Variants in FHL2 observed in about 807,000 individuals in gnomAD.
FHL2 encodes four and a half LIM domains protein 2.
FHL2 carries 20 observed loss-of-function variants against 32.7 expected under a neutral mutation model. The ratio of observed to expected loss-of-function variants is 0.61; its 90% CI spans 0.43 to 0.89. The LOEUF (loss-of-function observed/expected upper bound fraction) is 0.89. Ranked by LOEUF, FHL2 falls within the 40% of genes least tolerant of loss-of-function variation. The pLI, the probability that FHL2 is intolerant of heterozygous loss-of-function variation, is 0.00. For missense variants in FHL2, 311 were observed against 358.6 expected (o/e 0.87, Z 1.07); for synonymous variants, 123 against 128.1 (o/e 0.96, Z 0.27).
upstream of FHL2, chr2:105,399,217 C>G (rs895972161): frequency 5.9e-6 from 9 of 1,532,012 alleles, no homozygotes; most frequent in Non-Finnish European, 7.0e-6. Flanking sequence ...GGTCCCGGCC[C>G]GTACCCTTTG....
At chr2:105,412,405 G>A (rs1313522728) in intron 1 of FHL2, among the ~76,000 whole-genome samples, 2 of 152,190 alleles carry the variant, frequency 1.3e-5, no homozygotes, top group African/African-American at 4.8e-5. Context: ...AAACAAACTG[G>A]TGGTGGAGGA....
intron 1 of FHL2, among the ~76,000 whole-genome samples, chr2:105,428,898 T>A (rs145277635): frequency 1.2e-4 from 19 of 152,382 alleles, no homozygotes; most frequent in African/African-American, 4.6e-4. Context: ...TGCTAGGCTT[T>A]CATTTTTACT....
upstream of FHL2, among the ~76,000 whole-genome samples, chr2:105,403,092 T>C (rs35342923): frequency 0.72 from 109,353 of 152,208 alleles, 39,549 homozygotes; most frequent in African/African-American, 0.8. Flanking sequence ...GTGGCGAAGG[T>C]CTTTTGAGAT....
upstream of FHL2, chr2:105,399,176 C>T (rs1683361308): frequency 1.4e-6 from 2 of 1,399,500 alleles, no homozygotes; most frequent in South Asian, 1.6e-5. Flanking sequence ...CCAGGCCTCG[C>T]GGTTGCCGTG....
chr2:105,399,106 T>C, upstream of FHL2: 2 of 1,453,428 alleles, frequency 1.4e-6, no homozygotes, highest in Non-Finnish European at 1.8e-6. Flanking sequence ...TTTGACCATA[T>C]AAGGAGATGC....
At position 105,425,455 on chromosome 2, in the gene FHL2, T is replaced by C. The variant is rs7349427; in HGVS notation, c.-25+12944A>G. 6.8e-3 allele frequency among the ~76,000 whole-genome samples: 1,040 copies of C among 152,148 alleles called. 2 individuals are homozygous for C. Among genetic ancestry groups the C allele is most frequent in the Non-Finnish European group, 0.01 (702 of 68,004 alleles). ...CCTTGTGGGATGAGAAAGACCTGAC[T>C]GTCCCCCAGCCCAACACCCGTAAAG... On this transcript the variant is annotated intron_variant, in intron 1 of 5. Transcript: ENST00000393352.
chr2:105,363,415 G>C lies in FHL2; in HGVS notation c.558C>G (p.Phe186Leu). 6.2e-7 allele frequency: 1 copy of C among 1,613,288 alleles called. No individual in the cohort carries two copies. Among genetic ancestry groups the C allele is most frequent in the Non-Finnish European group, 8.5e-7 (1 of 1,179,694 alleles). The change falls in exon 6 of 7, where the codon TTC becomes TTG. Residue 186 changes from phenylalanine (F) to leucine (L), a missense_variant. By Grantham distance (22) the Phe-to-Leu change is conservative (BLOSUM62 0). Coordinates refer to ENST00000530340, the MANE Select transcript of FHL2 (RefSeq NM_001318895.3). Reference sequence around the variant, plus strand: ...GCTGCTTCCTGCAGGCGGTGCACACGAAGCACTCCTTGTGCCAGGGCTGCT... The same window carrying C: ...GCTGCTTCCTGCAGGCGGTGCACACCAAGCACTCCTTGTGCCAGGGCTGCT... ...YREQPWHKEC[F>L]VCTACRKQLS...
At chr2:105,358,739 C>G (rs886383779), downstream of FHL2, 5 of 152,124 alleles carry the variant, frequency 3.3e-5, no homozygotes, top group Admixed American at 3.3e-4. Flanking sequence ...GTCAGCTAAG[C>G]CCTGCAAACC....
At chr2:105,393,231 C>A (rs528468673) in intron 2 of FHL2, among the ~76,000 whole-genome samples, 1 of 152,114 alleles carries the variant, frequency 6.6e-6, no homozygotes, top group Non-Finnish European at 1.5e-5. Flanking sequence ...CCCTTTGAAA[C>A]CCCAAGTGCT....
At chr2:105,378,383 G>T in intron 3 of FHL2, 2 of 349,312 alleles carry the variant, frequency 5.7e-6, no homozygotes, top group South Asian at 4.4e-5. Flanking sequence ...ATCCCACCTC[G>T]CAAGGTGAAG....
At chr2:105,434,956 G>A (rs1383866661) in intron 1 of FHL2, among the ~76,000 whole-genome samples, 1 of 152,010 alleles carries the variant, frequency 6.6e-6, no homozygotes, top group African/African-American at 2.4e-5. Flanking sequence ...ACTGTTTTAT[G>A]TTTGCATAGA....
At chr2:105,418,712 A>G (rs936953406) in intron 1 of FHL2, among the ~76,000 whole-genome samples, 2 of 152,180 alleles carry the variant, frequency 1.3e-5, no homozygotes, top group Non-Finnish European at 2.9e-5. Context: ...CCTTATCTGC[A>G]GTTTCTCTTT....
At chr2:105,428,350 A>G (rs542697075) in intron 1 of FHL2, among the ~76,000 whole-genome samples, 13 of 152,178 alleles carry the variant, frequency 8.5e-5, no homozygotes, top group African/African-American at 3.1e-4. Context: ...TCTTCCCCAA[A>G]CTACAGCTCA....
chr2:105,392,050 G>A (rs541633759), intron 2 of FHL2, among the ~76,000 whole-genome samples: 17 of 152,290 alleles, frequency 1.1e-4, no homozygotes, highest in African/African-American at 3.6e-4. Flanking sequence ...GGATCTTAGG[G>A]TACAGGCTTG....
downstream of FHL2, chr2:105,359,965 G>GTGTC (rs966136837): frequency 6.6e-6 from 1 of 152,180 alleles, no homozygotes; most frequent in African/African-American, 2.4e-5. Flanking sequence ...TTATGTTACT[G>GTGTC]TGTCAAATGC....
intron 1 of FHL2, among the ~76,000 whole-genome samples, chr2:105,409,411 C>T (rs1683729988): frequency 6.6e-6 from 1 of 152,146 alleles, no homozygotes; most frequent in African/African-American, 2.4e-5. Flanking sequence ...TGTGGCTATT[C>T]TAAGTAGGCC....
chr2:105,386,577 C>T (rs1682337084), intron 2 of FHL2, 37 bp from the exon 3 acceptor site: 3 of 1,600,522 alleles, frequency 1.9e-6, no homozygotes, highest in Non-Finnish European at 2.6e-6. Flanking sequence ...TCCCATTAAG[C>T]ACTCTCTGAA....
intron 1 of FHL2, among the ~76,000 whole-genome samples, chr2:105,411,289 A>C (rs1683780795): frequency 6.6e-6 from 1 of 152,214 alleles, no homozygotes; most frequent in Non-Finnish European, 1.5e-5. Flanking sequence ...AGTTTGTTTT[A>C]AAAAGTAACT....
intron 1 of FHL2, among the ~76,000 whole-genome samples, chr2:105,432,296 C>A (rs578043179): frequency 6.6e-6 from 1 of 152,272 alleles, no homozygotes; most frequent in East Asian, 1.9e-4. Flanking sequence ...AGGAGTTTGT[C>A]TCATGCACTT....
Sources: allele counts gnomAD v4.1 joint callset (sites outside exome capture counted in the v4.1 genomes callset), GRCh38; gene constraint gnomAD v4.1.1; transcripts MANE v1.5; gene names NCBI Gene and HGNC (gene_info 2026-07-23, HGNC 2026-07-21).